Variants in NPAS3 observed in about 807,000 individuals in gnomAD.
The protein encoded by NPAS3 is neuronal PAS domain protein 3.
A neutral mutation model predicts 73.1 loss-of-function variants in NPAS3; 14 were observed. The observed-to-expected ratio is 0.19, with a 90% CI of 0.13 to 0.30. NPAS3 has a LOEUF of 0.30. Ranked by LOEUF, NPAS3 falls within the 10% of genes least tolerant of loss-of-function variation. The pLI, the probability that NPAS3 is intolerant of heterozygous loss-of-function variation, is 1.00. For missense variants in NPAS3, 1,096 were observed against 1,250.0 expected (o/e 0.88, Z 1.86); for synonymous variants, 620 against 541.5 (o/e 1.14, Z -2.01).
At chr14:33,626,782 A>G (rs538234442) in intron 5 of NPAS3, among the ~76,000 whole-genome samples, 3 of 152,206 alleles carry the variant, frequency 2.0e-5, no homozygotes, top group African/African-American at 7.2e-5. Context: ...AAAAGAAACC[A>G]AATACATCAG....
chr14:33,252,997 A>G (rs2048644670), intron 3 of NPAS3, among the ~76,000 whole-genome samples: 1 of 152,050 alleles, frequency 6.6e-6, no homozygotes, highest in African/African-American at 2.4e-5. Flanking sequence ...GCCATGTAGT[A>G]CCATATTTTC....
intron 2 of NPAS3, among the ~76,000 whole-genome samples, chr14:33,179,081 T>G (rs994990402): frequency 1.6e-4 from 25 of 152,014 alleles, no homozygotes; most frequent in African/African-American, 4.6e-4. Flanking sequence ...ATCACGTGTG[T>G]TTTTTTTCCC....
chr14:33,026,617 A>G (rs1595264195), intron 1 of NPAS3, among the ~76,000 whole-genome samples: 1 of 151,614 alleles, frequency 6.6e-6, no homozygotes, highest in African/African-American at 2.4e-5. Flanking sequence ...AGGAATCAAG[A>G]TCTATAATCT....
intron 2 of NPAS3, among the ~76,000 whole-genome samples, chr14:33,127,647 C>T (rs1487051113): frequency 1.3e-5 from 2 of 152,112 alleles, no homozygotes; most frequent in Non-Finnish European, 2.9e-5. Flanking sequence ...AGAAAGCTGG[C>T]AGGTACTGAG....
At chr14:33,555,448 A>G (rs2055310290) in intron 4 of NPAS3, among the ~76,000 whole-genome samples, 1 of 152,204 alleles carries the variant, frequency 6.6e-6, no homozygotes, top group Admixed American at 6.5e-5. Flanking sequence ...TGGGCAGTTG[A>G]AAAAAAATTA....
At chr14:32,935,217 G>T (rs1004722600), upstream of NPAS3, among the ~76,000 whole-genome samples, 4 of 152,186 alleles carry the variant, frequency 2.6e-5, no homozygotes, top group Non-Finnish European at 5.9e-5. Flanking sequence ...ATCATCCTTT[G>T]CCCTTTGCCT....
intron 5 of NPAS3, among the ~76,000 whole-genome samples, chr14:33,650,449 A>C (rs748525529): frequency 1.1e-4 from 17 of 152,194 alleles, no homozygotes; most frequent in Non-Finnish European, 2.4e-4. Context: ...CCCTCAAAGA[A>C]ACCTATGAAA....
chr14:32,938,246 C>A (rs1207181407), upstream of NPAS3, among the ~76,000 whole-genome samples: 1 of 152,058 alleles, frequency 6.6e-6, no homozygotes, highest in Non-Finnish European at 1.5e-5. Context: ...CTGCTTGGGC[C>A]AGCGCACCCC....
chr14:33,388,392 G>A (rs901905317), intron 4 of NPAS3, among the ~76,000 whole-genome samples: 5 of 151,978 alleles, frequency 3.3e-5, no homozygotes, highest in Non-Finnish European at 7.4e-5. Context: ...GTCTTGTTGA[G>A]GTCAAATGCC....
At chr14:33,711,853 C>G (rs1471770052) in intron 6 of NPAS3, among the ~76,000 whole-genome samples, 1 of 152,040 alleles carries the variant, frequency 6.6e-6, no homozygotes, top group Admixed American at 6.5e-5. Context: ...TCCAAACCCC[C>G]AAGAAAGAGA....
At chr14:33,428,822 G>C (rs993751312) in intron 4 of NPAS3, among the ~76,000 whole-genome samples, 4 of 152,082 alleles carry the variant, frequency 2.6e-5, no homozygotes, top group African/African-American at 7.2e-5. Context: ...TTCCAGGCTA[G>C]ATCATTGGTT....
chr14:33,421,541 T>C (rs1184646435), intron 4 of NPAS3, among the ~76,000 whole-genome samples: 1 of 140,572 alleles, frequency 7.1e-6, no homozygotes, highest in Non-Finnish European at 1.6e-5. Flanking sequence ...ATTTCCCATA[T>C]AGAAGCTTTT....
chr14:32,999,347 TA>T (rs1194839317), intron 1 of NPAS3, among the ~76,000 whole-genome samples: 1 of 152,000 alleles, frequency 6.6e-6, no homozygotes, highest in Non-Finnish European at 1.5e-5. Context: ...CCATCTCTAC[TA>T]AAAATACAAA....
intron 4 of NPAS3, among the ~76,000 whole-genome samples, chr14:33,432,844 CAT>C (rs1206831685): frequency 6.6e-6 from 1 of 152,160 alleles, no homozygotes; most frequent in Admixed American, 6.5e-5. Flanking sequence ...TATTCCCACA[CAT>C]GAGATAATCG....
chr14:33,778,608 G>A (rs549784028), intron 9 of NPAS3, 36 bp downstream of exon 9: 2 of 1,389,206 alleles, frequency 1.4e-6, no homozygotes, highest in South Asian at 1.2e-5. Context: ...AACCCCGGCT[G>A]GTGTCAGCAA....
chr14:33,778,594 G>T, intron 9 of NPAS3, 22 bp downstream of exon 9: 1 of 1,504,824 alleles, frequency 6.6e-7, no homozygotes, highest in South Asian at 1.1e-5. Flanking sequence ...CTGTGTGGGG[G>T]AATAACCCCG....
At chr14:32,940,985 A>G (rs2035968750) in intron 1 of NPAS3, among the ~76,000 whole-genome samples, 1 of 152,200 alleles carries the variant, frequency 6.6e-6, no homozygotes, top group Admixed American at 6.5e-5. Flanking sequence ...TATTGCTCCC[A>G]AACTGTAGAA....
At chr14:33,046,107 G>A (rs902906025) in intron 1 of NPAS3, among the ~76,000 whole-genome samples, 5 of 152,204 alleles carry the variant, frequency 3.3e-5, no homozygotes, top group Middle Eastern at 3.2e-3. Context: ...TCTGATGCAG[G>A]TCAAGTAAAA....
chr14:32,979,796 AT>A lies in NPAS3; in HGVS notation c.50+40433del, dbSNP rs1301577153. ...TCAGTCTAAAAATACTGAATTCTGT[AT>A]TTCCAAGATCACAAAGGAGTAAAAC... is the stretch of plus-strand genomic sequence containing the variant. On this transcript the variant is annotated intron_variant, in intron 1 of 11. Transcript: ENST00000356141. Among the ~76,000 whole-genome samples the A allele has an allele frequency of 2.0e-5, 3 of 152,178 alleles. No homozygotes were observed. In the East Asian group the frequency reaches 5.8e-4, roughly 29 times the overall value.
Sources: gnomAD v4.1 joint callset for allele counts (sites outside exome capture counted in the v4.1 genomes callset) on GRCh38, gnomAD v4.1.1 for gene constraint, MANE v1.5 for transcripts, NCBI Gene and HGNC (gene_info 2026-07-23, HGNC 2026-07-21) for gene names.